The following KBTBD4 variants were observed in gnomAD, a reference collection of about 807,000 sequenced individuals.
KBTBD4 encodes the protein kelch repeat and BTB domain-containing protein 4.
KBTBD4 carries 30 observed loss-of-function variants against 43.9 expected under a neutral mutation model. That is an observed-to-expected ratio of 0.68 (90% CI 0.51 to 0.93). The LOEUF (loss-of-function observed/expected upper bound fraction) is 0.93, where lower values mean the gene tolerates loss of function less well. Ranked by LOEUF, KBTBD4 falls within the 40% of genes least tolerant of loss-of-function variation. KBTBD4 has a pLI of 0.00. For missense variants in KBTBD4, 575 were observed against 668.8 expected (o/e 0.86, Z 1.55); for synonymous variants, 258 against 256.9 (o/e 1.00, Z -0.04).
At position 47,577,591 on chromosome 11, in the gene KBTBD4, A is replaced by G; in HGVS notation, c.457T>C (p.Phe153Leu). ...LTSLFEECSR[F>L]LARTVQVGNC... ...CCCACTTGCACTGTGCGGGCCAAAA[A>G]CCGAGAGCATTCCTCAAAGAGAGAT... The change falls in exon 2 of 4, where the codon TTT (phenylalanine) becomes CTT (leucine). Residue 153 changes from phenylalanine to leucine, a missense_variant. Transcript: ENST00000430070. 2 of 1,614,124 alleles carry G rather than the reference A, an allele frequency of 1.2e-6. No individual in the cohort carries two copies. Among genetic ancestry groups the G allele is most frequent in the Non-Finnish European group, 8.5e-7 (1 of 1,180,022 alleles).
Position 47,578,945 on chromosome 11 carries a change from C to T in KBTBD4, c.7G>A (p.Gly3Arg). 1 of 1,551,836 alleles carries T rather than the reference C, an allele frequency of 6.4e-7. No homozygotes were observed. Among genetic ancestry groups the T allele is most frequent in the Admixed American group, 2.0e-5 (1 of 51,010 alleles). ...CTCGCTTTCTCACCTGCGTTCCCTCCTTTCATCCCGGAGCCCGGAACCTCC... is the reference window on the plus strand; with the variant it reads ...CTCGCTTTCTCACCTGCGTTCCCTCTTTTCATCCCGGAGCCCGGAACCTCC... Reference protein sequence around the residue: MKGGNADSWQREK... With the variant: MKRGNADSWQREK... The change falls in exon 1 of 4, where the codon GGA becomes AGA. Residue 3 changes from glycine to arginine, a missense_variant. Transcript: ENST00000430070.
At position 47,578,956 on chromosome 11, in the gene KBTBD4, G is replaced by C. The variant is rs2097265850; in HGVS notation, c.-5C>G. 1 of 1,551,548 alleles carries C rather than the reference G, an allele frequency of 6.4e-7. No individual in the cohort carries two copies. The highest frequency in any genetic ancestry group is 1.2e-5 in the South Asian group (1 of 84,064). On this transcript the variant is annotated 5_prime_UTR_variant, in exon 1 of 4. Coordinates refer to ENST00000430070, the MANE Select transcript of KBTBD4 (RefSeq NM_018095.6). Reference sequence around the variant, plus strand: ...ACCTGCGTTCCCTCCTTTCATCCCGGAGCCCGGAACCTCCGCTTCCGGCTC... The same window carrying C: ...ACCTGCGTTCCCTCCTTTCATCCCGCAGCCCGGAACCTCCGCTTCCGGCTC...
intron 1 of KBTBD4, 142 bp from the exon 2 acceptor site, chr11:47,578,170 T>C: frequency 1.2e-6 from 1 of 827,482 alleles, no homozygotes; most frequent in Non-Finnish European, 1.9e-6. Flanking sequence ...CTGTCCATGA[T>C]GTCCCTGACG....
At chr11:47,578,677 C>CG (rs1022767458) in intron 1 of KBTBD4, 3 of 1,043,734 alleles carry the variant, frequency 2.9e-6, no homozygotes, top group Non-Finnish European at 4.2e-6. Flanking sequence ...GCAATGTCCC[C>CG]GCTCCACCTT....
chr11:47,577,276 A>T (rs535418531), intron 2 of KBTBD4, 135 bp downstream of exon 2: 2 of 856,486 alleles, frequency 2.3e-6, no homozygotes, highest in African/African-American at 1.7e-5. Flanking sequence ...TCAGCAGGTT[A>T]TCTCAGTAAG....
At position 47,572,321 on chromosome 11, in the gene KBTBD4, C is replaced by T. The variant is rs2097250458; in HGVS notation, c.*609G>A. 6.5e-6 allele frequency: 1 copy of T among 152,890 alleles called. No homozygotes were observed. Among genetic ancestry groups the T allele is most frequent in the Non-Finnish European group, 1.5e-5 (1 of 68,238 alleles). 9.5% of individuals were successfully genotyped at this position (152,890 alleles called of 1,614,324 possible). On this transcript the variant is annotated 3_prime_UTR_variant, in exon 4 of 4. Coordinates refer to ENST00000430070, the MANE Select transcript of KBTBD4 (RefSeq NM_018095.6). Reference sequence around the variant, plus strand: ...GTTTCTGCTATTAATCAGAAATAATCATTTCTATTTTCTGGCTTACCCCTT... The same window carrying T: ...GTTTCTGCTATTAATCAGAAATAATTATTTCTATTTTCTGGCTTACCCCTT...
Position 47,573,174 on chromosome 11 carries a change from C to T in KBTBD4, c.1361G>A (p.Gly454Glu), listed in dbSNP as rs754683732. The change falls in exon 4 of 4, where the codon GGG becomes GAG. Residue 454 changes from glycine (G) to glutamate (E), a missense_variant. By Grantham distance (98) the Gly-to-Glu change is moderately conservative (BLOSUM62 -2). Transcript: ENST00000430070. This position sits in a 1 kb window ranked among gnomAD's most constrained non-coding sequence, Gnocchi z 4.1. Reference protein sequence around the residue: ...HKDLVFIVAEGDSLVCYNPLL... With the variant: ...HKDLVFIVAEEDSLVCYNPLL... ...GGGATTGTAGCACACCAGGGAGTCCCCTTCAGCCACGATGAACACCAGATC... is the reference window on the plus strand; with the variant it reads ...GGGATTGTAGCACACCAGGGAGTCCTCTTCAGCCACGATGAACACCAGATC... 4 of 1,614,020 alleles carry T rather than the reference C, an allele frequency of 2.5e-6. No individual in the cohort carries two copies. The Admixed American group carries it at 6.7e-5, about 27-fold the overall frequency.
At chr11:47,578,890 G>A (rs986185506) in intron 1 of KBTBD4, 43 bp downstream of exon 1, 5 of 1,550,846 alleles carry the variant, frequency 3.2e-6, no homozygotes, top group Non-Finnish European at 3.5e-6. Context: ...CTAGGACCAC[G>A]CTCACCTCAC....
At position 47,573,726 on chromosome 11, in the gene KBTBD4, G is replaced by T. The variant is rs976089966; in HGVS notation, c.809C>A (p.Ala270Asp). 3 of 1,597,750 alleles carry T rather than the reference G, an allele frequency of 1.9e-6. No individual in the cohort carries two copies. The highest frequency in any genetic ancestry group is 2.6e-6 in the Non-Finnish European group (3 of 1,174,098). The change falls in exon 4 of 4, where the codon GCT becomes GAT. Residue 270 changes from alanine to aspartate, a missense_variant. Coordinates refer to ENST00000430070, the MANE Select transcript of KBTBD4 (RefSeq NM_018095.6). The surrounding 1 kb of genome is among the most constrained non-coding windows in gnomAD (Gnocchi z 4.1). ...GKESSRTHSLAVSLHCAEDDS... is the reference protein window; with the variant it reads ...GKESSRTHSLDVSLHCAEDDS... Reference sequence around the variant, plus strand: ...ATCTTCTGCACAGTGCAAGGACACAGCCAACGAGTGGGTACGAGATGACTC... The same window carrying T: ...ATCTTCTGCACAGTGCAAGGACACATCCAACGAGTGGGTACGAGATGACTC...
chr11:47,578,335 T>A, intron 1 of KBTBD4: 1 of 576,000 alleles, frequency 1.7e-6, no homozygotes, highest in Admixed American at 3.3e-5. Flanking sequence ...GGTCAATATA[T>A]GAAAGCAAAG....
chr11:47,572,911 T>C lies in KBTBD4; in HGVS notation c.*19A>G. The C allele has an allele frequency of 6.3e-7, 1 of 1,598,994 alleles. No individual in the cohort carries two copies. Among genetic ancestry groups the C allele is most frequent in the Non-Finnish European group, 8.5e-7 (1 of 1,170,406 alleles). Reference sequence around the variant, plus strand: ...GGGAGGGAAAAGGAGTGAGCAGTTCTCCTCCCCTCCCCACAGCCTTAGGCC... The same window carrying C: ...GGGAGGGAAAAGGAGTGAGCAGTTCCCCTCCCCTCCCCACAGCCTTAGGCC... On this transcript the variant is annotated 3_prime_UTR_variant, in exon 4 of 4. Transcript: ENST00000430070.
chr11:47,575,560 A>G (rs749021659), intron 3 of KBTBD4, 33 bp downstream of exon 3: 3 of 1,323,228 alleles, frequency 2.3e-6, no homozygotes, highest in Non-Finnish European at 2.2e-6. Flanking sequence ...CATGGAGAGT[A>G]TGCAGTCTCA....
intron 2 of KBTBD4, 139 bp from the exon 3 acceptor site, chr11:47,575,838 C>T (rs951338284): frequency 7.3e-6 from 3 of 409,502 alleles, no homozygotes; most frequent in South Asian, 6.2e-5. Context: ...TACACATATA[C>T]ATGAAATTAA....
chr11:47,575,578 A>G lies in KBTBD4; in HGVS notation c.744+15T>C, dbSNP rs760784875. ...GGAGAGTATGCAGTCTCAACAATTA[A>G]GAGATTTGCCTTACCTTCAAGCTTG... On this transcript the variant is annotated intron_variant, in intron 3 of 3. Transcript: ENST00000430070. The G allele has an allele frequency of 2.6e-5, 40 of 1,529,814 alleles. No homozygotes were observed. The highest frequency in any genetic ancestry group is 3.4e-5 in the Non-Finnish European group (37 of 1,104,274). 94.8% of individuals were successfully genotyped at this position (1,529,814 alleles called of 1,614,324 possible).
intron 3 of KBTBD4, 48 bp downstream of exon 3, chr11:47,575,545 G>T: frequency 2.6e-6 from 3 of 1,148,614 alleles, no homozygotes; most frequent in Non-Finnish European, 3.9e-6. Flanking sequence ...CTGATGGCAA[G>T]AATGCATGGA....
intron 1 of KBTBD4, chr11:47,578,580 C>T (rs533365759): frequency 8.8e-5 from 62 of 705,666 alleles, no homozygotes; most frequent in Non-Finnish European, 1.5e-4. Context: ...CACTTCCCCG[C>T]TCGCTCGAAA....
intron 1 of KBTBD4, chr11:47,578,694 TC>T: frequency 8.4e-7 from 1 of 1,196,458 alleles, no homozygotes; most frequent in Non-Finnish European, 1.2e-6. Flanking sequence ...CCTTGAGTCG[TC>T]TTGGAAACGG....
Position 47,577,565 on chromosome 11 carries a change from T to A in KBTBD4, c.483A>T (p.Gly161=), listed in dbSNP as rs954802203. ...CCAGCCACATCACCTGAAGGCAGTTTCCCACTTGCACTGTGCGGGCCAAAA... is the reference window on the plus strand; with the variant it reads ...CCAGCCACATCACCTGAAGGCAGTTACCCACTTGCACTGTGCGGGCCAAAA... The part of the protein sequence containing the change: ...SRFLARTVQV[G]NCLQVMWLAD... Residue 161 remains glycine (G), a synonymous_variant, in exon 2 of 4, where the codon GGA becomes GGT. Transcript: ENST00000430070. 6.8e-6 allele frequency: 11 copies of A among 1,614,044 alleles called. No individual in the cohort carries two copies. In the African/African-American group the frequency reaches 1.3e-4, roughly 20 times the overall value.
chr11:47,575,538 AT>A (rs772098349), intron 3 of KBTBD4, 54 bp downstream of exon 3: 1 of 1,110,292 alleles, frequency 9.0e-7, no homozygotes, highest in Non-Finnish European at 1.4e-6. Context: ...AAATTAACTG[AT>A]GGCAAGAATG....
Sources: allele counts gnomAD v4.1 joint callset, GRCh38; gene constraint gnomAD v4.1.1; non-coding constraint Gnocchi (gnomAD v3.1); transcripts MANE v1.5; gene names NCBI Gene and HGNC (gene_info 2026-07-23, HGNC 2026-07-21).